PPP4R4: variants seen among roughly 807,000 people sequenced by gnomAD.
PPP4R4 encodes the protein serine/threonine-protein phosphatase 4 regulatory subunit 4.
A neutral mutation model predicts 121.8 loss-of-function variants in PPP4R4; 70 were observed. That is an observed-to-expected ratio of 0.57 (90% CI 0.47 to 0.70). The LOEUF (loss-of-function observed/expected upper bound fraction) is 0.70. Ranked by LOEUF, PPP4R4 falls within the 30% of genes least tolerant of loss-of-function variation. The pLI is 0.00. For synonymous variants in PPP4R4, 348 were observed against 355.7 expected (o/e 0.98, Z 0.24); for missense variants, 875 against 1,033.6 (o/e 0.85, Z 2.10).
chr14:94,190,814 G>A (rs1889555211), intron 2 of PPP4R4, among the ~76,000 whole-genome samples: 1 of 151,120 alleles, frequency 6.6e-6, no homozygotes, highest in South Asian at 2.1e-4. Flanking sequence ...ATTTAGGACA[G>A]ACTTTGATAA....
chr14:94,174,492 G>A lies in PPP4R4; in HGVS notation c.27G>A (p.Ala9=), dbSNP rs771151878. Residue 9 remains alanine (A), a synonymous_variant, in exon 1 of 25, where the codon GCG becomes GCA. Transcript: ENST00000304338. MHPPPPAA[A]MDFSQNSLFG... is the part of the protein sequence containing the mutation. ...TGCATCCGCCGCCGCCCGCCGCCGC[G>A]ATGGATTTCAGTCAGAACAGCCTGT... is the stretch of plus-strand genomic sequence containing the variant. 35 of 1,607,000 alleles carry A rather than the reference G, an allele frequency of 2.2e-5. No individual in the cohort carries two copies. Among genetic ancestry groups the A allele is most frequent in the Non-Finnish European group, 2.9e-5 (34 of 1,177,182 alleles).
chr14:94,259,190 T>C (rs541058440), intron 18 of PPP4R4, 105 bp from the exon 19 acceptor site: 2 of 1,485,400 alleles, frequency 1.3e-6, no homozygotes, highest in Non-Finnish European at 1.8e-6. Flanking sequence ...GAAATTTGGA[T>C]GGGGACACAG....
In PPP4R4 at chr14:94,233,878, A is replaced by G. The variant is rs111712571; in HGVS notation, c.623+119A>G. On this transcript the variant is annotated intron_variant, in intron 6 of 24. Coordinates refer to ENST00000304338, the MANE Select transcript of PPP4R4 (RefSeq NM_058237.2). ...GCATACAAATTTAGTTATCTTAACT[A>G]TTTTAACTTTATGGAATTCTCATGA... is the stretch of plus-strand genomic sequence containing the variant. The G allele has an allele frequency of 3.6e-3, 2,455 of 686,070 alleles. 57 individuals carry two copies. In the African/African-American group the frequency reaches 0.042, roughly 12 times the overall value. 42.5% of individuals were successfully genotyped at this position (686,070 alleles called of 1,614,324 possible).
chr14:94,254,810 C>T (rs773916400), intron 16 of PPP4R4, among the ~76,000 whole-genome samples: 2 of 152,044 alleles, frequency 1.3e-5, no homozygotes, highest in Non-Finnish European at 2.9e-5. Context: ...TCTGAAATGC[C>T]TCCTCCTGGA....
At chr14:94,187,204 C>T (rs1186177035) in intron 2 of PPP4R4, among the ~76,000 whole-genome samples, 4 of 151,732 alleles carry the variant, frequency 2.6e-5, no homozygotes, top group Admixed American at 1.3e-4. Context: ...CCCAGCTACT[C>T]GGGAGGCTGA....
At chr14:94,233,824 G>A in intron 6 of PPP4R4, 65 bp downstream of exon 6, 2 of 1,036,128 alleles carry the variant, frequency 1.9e-6, no homozygotes, top group Non-Finnish European at 2.9e-6. Flanking sequence ...TAATGACTGT[G>A]TAACAATATA....
chr14:94,257,645 A>ACG (rs1015478783), intron 17 of PPP4R4, among the ~76,000 whole-genome samples: 1 of 94,446 alleles, frequency 1.1e-5, no homozygotes, highest in Non-Finnish European at 2.2e-5. Flanking sequence ...TTAAATCTAC[A>ACG]CACACACACA....
intron 23 of PPP4R4, among the ~76,000 whole-genome samples, chr14:94,270,915 C>T (rs1260999804): frequency 7.6e-6 from 1 of 131,066 alleles, no homozygotes; most frequent in South Asian, 2.7e-4. Context: ...GAGACTCCAT[C>T]TCAAAAAAAA....
chr14:94,245,574 T>C lies in PPP4R4; in HGVS notation c.1345-13T>C, dbSNP rs201744319. ...GTAATCACTATAACAGTAATCAATA[T>C]CTCTGTTAAAAGGTACTAGATGCTC... On this transcript the variant is annotated splice_polypyrimidine_tract_variant and intron_variant, in intron 12 of 24. Coordinates refer to ENST00000304338, the MANE Select transcript of PPP4R4 (RefSeq NM_058237.2). 31 of 1,449,610 alleles carry C rather than the reference T, an allele frequency of 2.1e-5. No homozygotes were observed. In the African/African-American group the frequency reaches 4.1e-4, roughly 19 times the overall value. The allele number at this position is 1,449,610 out of a possible 1,614,324, so 89.8% of individuals were successfully genotyped here. A position where few individuals can be genotyped will look rare whatever the true frequency, so the allele number is the denominator to read the frequency against.
At chr14:94,231,995 C>A (rs1288032377) in intron 5 of PPP4R4, among the ~76,000 whole-genome samples, 2 of 151,908 alleles carry the variant, frequency 1.3e-5, no homozygotes, top group East Asian at 3.9e-4. Flanking sequence ...TCTCTTTATT[C>A]CTTTGCAATT....
chr14:94,241,432 A>G (rs1274378607), intron 9 of PPP4R4, among the ~76,000 whole-genome samples: 1 of 152,010 alleles, frequency 6.6e-6, no homozygotes, highest in Non-Finnish European at 1.5e-5. Flanking sequence ...TCTGTCAGCA[A>G]TTTTAGAACA....
rs1475899168 is a variant in PPP4R4, at chr14:94,192,277, TA to T, written c.191+16151del. Among the ~76,000 whole-genome samples the T allele has an allele frequency of 6.6e-5, 10 of 152,264 alleles. No individual in the cohort carries two copies. In the Middle Eastern group the frequency reaches 0.017, roughly 259 times the overall value. On this transcript the variant is annotated intron_variant, in intron 2 of 24. Coordinates refer to ENST00000304338, the MANE Select transcript of PPP4R4 (RefSeq NM_058237.2). ...ATTTTACAGGACTAACATATGGAAATATGCTATATTTGAAAAATTACTGATG... is the reference window on the plus strand; with the variant it reads ...ATTTTACAGGACTAACATATGGAAATTGCTATATTTGAAAAATTACTGATG...
chr14:94,245,220 G>A (rs1376016907), intron 12 of PPP4R4, among the ~76,000 whole-genome samples: 2 of 152,086 alleles, frequency 1.3e-5, no homozygotes, highest in Middle Eastern at 6.3e-3. Flanking sequence ...CTGTTAGTTT[G>A]CCAAAGCGCA....
rs753684406 is a variant in PPP4R4, at chr14:94,246,558, A to G, written c.1611+19A>G. 3.1e-6 allele frequency: 5 copies of G among 1,587,834 alleles called. No individual in the cohort carries two copies. The highest frequency in any genetic ancestry group is 1.4e-5 in the African/African-American group (1 of 73,702). On this transcript the variant is annotated intron_variant, in intron 14 of 24. Coordinates refer to ENST00000304338, the MANE Select transcript of PPP4R4 (RefSeq NM_058237.2). ...GACAAATGTGAGCTCAGTACCTTTC[A>G]TCTTATTCTTTTGAACTCATGGTTG...
chr14:94,239,531 C>A (rs182713073), intron 8 of PPP4R4, among the ~76,000 whole-genome samples: 80 of 152,128 alleles, frequency 5.3e-4, no homozygotes, highest in Middle Eastern at 6.8e-3. Flanking sequence ...AGTTTCCTCC[C>A]TGACATCTTT....
intron 3 of PPP4R4, among the ~76,000 whole-genome samples, chr14:94,220,343 A>G (rs543169422): frequency 2.0e-4 from 31 of 152,342 alleles, no homozygotes; most frequent in African/African-American, 7.2e-4. Flanking sequence ...GATCAGGAAA[A>G]GGCCAAAAGT....
intron 2 of PPP4R4, among the ~76,000 whole-genome samples, chr14:94,183,965 A>G (rs1045058194): frequency 2.6e-5 from 4 of 152,138 alleles, no homozygotes; most frequent in African/African-American, 9.7e-5. Context: ...TTATGTAACT[A>G]TCAATGTAAT....
intron 3 of PPP4R4, among the ~76,000 whole-genome samples, chr14:94,215,741 C>G (rs991583766): frequency 3.3e-5 from 5 of 152,016 alleles, no homozygotes; most frequent in Non-Finnish European, 5.9e-5. Context: ...ACAAACTGTT[C>G]TATGGTTTAC....
At chr14:94,254,132 T>TA (rs1163675000) in intron 16 of PPP4R4, among the ~76,000 whole-genome samples, 2 of 152,228 alleles carry the variant, frequency 1.3e-5, no homozygotes, top group Non-Finnish European at 2.9e-5. Context: ...GTGTGGTCCC[T>TA]AATCTCAAGA....
Sources: gnomAD v4.1 joint callset for allele counts (sites outside exome capture counted in the v4.1 genomes callset) on GRCh38, gnomAD v4.1.1 for gene constraint, MANE v1.5 for transcripts, NCBI Gene and HGNC (gene_info 2026-07-23, HGNC 2026-07-21) for gene names.